Variants in SLC39A11 observed in about 807,000 individuals in gnomAD.
SLC39A11 encodes the protein solute carrier family 39 member 11.
SLC39A11 carries 33 observed loss-of-function variants against 36.1 expected under a neutral mutation model. The observed-to-expected ratio is 0.91, with a 90% CI of 0.69 to 1.22. The LOEUF (loss-of-function observed/expected upper bound fraction) is 1.22. SLC39A11 is among the 50% of genes most tolerant of loss of function. The pLI is 0.00. For missense variants in SLC39A11, 432 were observed against 430.3 expected, an observed-to-expected ratio of 1.00 and a Z score of -0.03; for synonymous variants, 166 against 170.3, an observed-to-expected ratio of 0.97 and a Z score of 0.20.
chr17:72,835,449 T>C (rs531968342), intron 6 of SLC39A11, among the ~76,000 whole-genome samples: 127 of 152,272 alleles, frequency 8.3e-4, no homozygotes, highest in African/African-American at 2.8e-3. Context: ...TGCTGTGTTC[T>C]AGGAACCACA....
chr17:72,855,467 T>A (rs539394895), intron 5 of SLC39A11, among the ~76,000 whole-genome samples: 2 of 152,318 alleles, frequency 1.3e-5, no homozygotes, highest in African/African-American at 4.8e-5. Flanking sequence ...CAAATCGTCA[T>A]CTGTTAAGTG....
intron 4 of SLC39A11, among the ~76,000 whole-genome samples, chr17:72,976,062 C>T (rs1428868982): frequency 2.0e-5 from 3 of 147,462 alleles, no homozygotes; most frequent in East Asian, 2.1e-4. Context: ...CCCAGCTACT[C>T]GGGAGGCTGA....
Position 73,026,955 on chromosome 17 carries a change from C to T in SLC39A11, c.306+4601G>A, listed in dbSNP as rs1218789218. 2.6e-5 allele frequency among the ~76,000 whole-genome samples: 4 copies of T among 151,642 alleles called. No individual in the cohort carries two copies. In the South Asian group the frequency reaches 8.3e-4, roughly 32 times the overall value. ...CAACATAGGGAGACTCCTGTCTCTA[C>T]CAAAAAAAAATTAAAAATTAGCCGG... is the stretch of plus-strand genomic sequence containing the variant. On this transcript the variant is annotated intron_variant, in intron 4 of 9. Coordinates refer to ENST00000255559, the MANE Select transcript of SLC39A11 (RefSeq NM_139177.4).
intron 3 of SLC39A11, among the ~76,000 whole-genome samples, chr17:73,051,889 A>T (rs951143249): frequency 3.3e-5 from 5 of 149,950 alleles, no homozygotes; most frequent in African/African-American, 1.2e-4. Flanking sequence ...TGTTGGTGCC[A>T]GAGGGAATGT....
Position 73,008,105 on chromosome 17 carries a change from A to AAAAAAG in SLC39A11, c.306+23445_306+23450dup, listed in dbSNP as rs71154943. Among the ~76,000 whole-genome samples the AAAAAAG allele has an allele frequency of 1.5e-3, 215 of 139,710 alleles. 1 individual carries two copies. Among genetic ancestry groups the AAAAAAG allele is most frequent in the Middle Eastern group, 0.011 (3 of 268 alleles). 91.7% of individuals were successfully genotyped at this position (139,710 alleles called of 152,430 possible). On this transcript the variant is annotated intron_variant, in intron 4 of 9. Transcript: ENST00000255559. ...GTGACAGAGCGAGACTCAGTCTCAA[A>AAAAAAG]AAAAAGAAAAAGAAAAAGAAAAAGA...
intron 6 of SLC39A11, among the ~76,000 whole-genome samples, chr17:72,848,032 C>T (rs181161325): frequency 3.2e-4 from 49 of 152,302 alleles, no homozygotes; most frequent in Admixed American, 1.1e-3. Flanking sequence ...ATCTCAAGAT[C>T]GAGGAAATCA....
intron 4 of SLC39A11, among the ~76,000 whole-genome samples, chr17:72,978,543 G>A (rs188445974): frequency 7.9e-5 from 12 of 152,266 alleles, no homozygotes; most frequent in Admixed American, 7.2e-4. Context: ...CACGCACAGA[G>A]CTTCGGGAAC....
rs12103732 is a variant in SLC39A11, at chr17:72,675,028, G to A, written c.672-25760C>T. On this transcript the variant is annotated intron_variant, in intron 7 of 9. Coordinates refer to ENST00000255559, the MANE Select transcript of SLC39A11 (RefSeq NM_139177.4). ...TGAGACACAGAGACAGAAAGAGAGA[G>A]AGAAAGTTTATCCATCTATCTGAGA... Among the ~76,000 whole-genome samples, 7 of 152,080 alleles carry A rather than the reference G, an allele frequency of 4.6e-5. No homozygotes were observed. The East Asian group carries it at 1.2e-3, about 25-fold the overall frequency.
rs62069508 is a variant in SLC39A11, at chr17:72,680,255, G to A, written c.672-30987C>T. ...TTAGCAGTCACTCCCCACCCCTACCGCCCTCAGCTCCTGGCAACTATGACT... is the reference window on the plus strand; with the variant it reads ...TTAGCAGTCACTCCCCACCCCTACCACCCTCAGCTCCTGGCAACTATGACT... On this transcript the variant is annotated intron_variant, in intron 7 of 9. Coordinates refer to ENST00000255559, the MANE Select transcript of SLC39A11 (RefSeq NM_139177.4). 7.7e-3 allele frequency among the ~76,000 whole-genome samples: 1,175 copies of A among 151,916 alleles called. 5 individuals carry two copies. The highest frequency in any genetic ancestry group is 0.02 in the Middle Eastern group (6 of 294).
intron 5 of SLC39A11, among the ~76,000 whole-genome samples, chr17:72,942,395 G>C (rs955710809): frequency 1.3e-5 from 2 of 152,088 alleles, no homozygotes; most frequent in Non-Finnish European, 2.9e-5. Flanking sequence ...ATATCTACAT[G>C]AACTGTTGTG....
At chr17:72,887,833 T>A (rs2081511702) in intron 5 of SLC39A11, among the ~76,000 whole-genome samples, 1 of 152,188 alleles carries the variant, frequency 6.6e-6, no homozygotes, top group African/African-American at 2.4e-5. Flanking sequence ...CCTCAGCAGA[T>A]CTCTGCTTCT....
chr17:73,024,700 T>A (rs560208719), intron 4 of SLC39A11, among the ~76,000 whole-genome samples: 1 of 151,748 alleles, frequency 6.6e-6, no homozygotes, highest in Non-Finnish European at 1.5e-5. Flanking sequence ...GTAAAAGTTG[T>A]GTACATTTTT....
chr17:72,662,393 AAAG>A (rs1307538063), intron 7 of SLC39A11, among the ~76,000 whole-genome samples: 3 of 150,860 alleles, frequency 2.0e-5, no homozygotes, highest in South Asian at 2.1e-4. Flanking sequence ...AAAGAAAAGG[AAAG>A]AAGGAGGGAA....
Position 72,877,955 on chromosome 17 carries a change from G to A in SLC39A11, c.431-28151C>T, listed in dbSNP as rs186658159. On this transcript the variant is annotated intron_variant, in intron 5 of 9. Coordinates refer to ENST00000255559, the MANE Select transcript of SLC39A11 (RefSeq NM_139177.4). ...TTTAGCGTTAAGTATATCTCCTAATGCTATCCCTCCTCCCTCCCCCCACCC... is the reference window on the plus strand; with the variant it reads ...TTTAGCGTTAAGTATATCTCCTAATACTATCCCTCCTCCCTCCCCCCACCC... Among the ~76,000 whole-genome samples, 134 of 150,018 alleles carry A rather than the reference G, an allele frequency of 8.9e-4. 2 individuals carry two copies. In the East Asian group the frequency reaches 0.02, roughly 23 times the overall value.
chr17:72,865,824 C>A (rs2080272860), intron 5 of SLC39A11, among the ~76,000 whole-genome samples: 1 of 152,002 alleles, frequency 6.6e-6, no homozygotes, highest in African/African-American at 2.4e-5. Context: ...ACCAAAATAA[C>A]CACATACAAC....
At chr17:73,007,863 G>A (rs764240326) in intron 4 of SLC39A11, among the ~76,000 whole-genome samples, 1 of 152,246 alleles carries the variant, frequency 6.6e-6, no homozygotes, top group Non-Finnish European at 1.5e-5. Context: ...AACACTTTGG[G>A]AGGCCGAGGC....
chr17:72,680,036 T>C (rs1207035066), intron 7 of SLC39A11, among the ~76,000 whole-genome samples: 1 of 106,300 alleles, frequency 9.4e-6, no homozygotes, highest in African/African-American at 4.8e-5. Context: ...AGTGAGACTC[T>C]GTCTCAAAAA....
intron 7 of SLC39A11, among the ~76,000 whole-genome samples, chr17:72,681,483 C>G (rs2071507069): frequency 6.6e-6 from 1 of 152,156 alleles, no homozygotes; most frequent in Non-Finnish European, 1.5e-5. Flanking sequence ...AGGCTGGTGG[C>G]AGGGGGAAGG....
chr17:72,927,306 C>T (rs976802562), intron 5 of SLC39A11, among the ~76,000 whole-genome samples: 5 of 152,278 alleles, frequency 3.3e-5, no homozygotes, highest in Middle Eastern at 3.4e-3. Context: ...AAGTGATCCA[C>T]GCACCTTGGC....
Sources: allele counts gnomAD v4.1 joint callset (sites outside exome capture counted in the v4.1 genomes callset), GRCh38; gene constraint gnomAD v4.1.1; transcripts MANE v1.5; gene names NCBI Gene and HGNC (gene_info 2026-07-23, HGNC 2026-07-21).